Variants in KMT2C observed in about 807,000 individuals in gnomAD.
KMT2C encodes lysine methyltransferase 2C.
A neutral mutation model predicts 507.9 loss-of-function variants in KMT2C; 88 were observed. That is an observed-to-expected ratio of 0.17 (90% CI 0.15 to 0.21). The LOEUF (loss-of-function observed/expected upper bound fraction) is 0.21, where lower values mean the gene tolerates loss of function less well. KMT2C is among the 10% of genes least tolerant of loss of function. KMT2C has a pLI of 1.00. For missense variants in KMT2C, 4,954 were observed against 5,957.8 expected (o/e 0.83, Z 5.55); for synonymous variants, 2,049 against 2,080.8 (o/e 0.98, Z 0.42).
intron 1 of KMT2C, among the ~76,000 whole-genome samples, chr7:152,420,856 A>G (rs1233653960): frequency 6.6e-6 from 1 of 151,828 alleles, no homozygotes; most frequent in African/African-American, 2.4e-5. Flanking sequence ...CCTAATATAC[A>G]GAATCTGTAA....
chr7:152,201,642 A>T (rs2094147234), intron 26 of KMT2C, among the ~76,000 whole-genome samples: 1 of 149,440 alleles, frequency 6.7e-6, no homozygotes, highest in Non-Finnish European at 1.5e-5. Flanking sequence ...AAAAAAAAAA[A>T]AGGTAAGCCA....
chr7:152,424,060 A>G (rs1182996920), intron 1 of KMT2C, among the ~76,000 whole-genome samples: 2 of 152,228 alleles, frequency 1.3e-5, no homozygotes, highest in Non-Finnish European at 2.9e-5. Flanking sequence ...TCATTTAACT[A>G]TTTCAGTAAA....
intron 6 of KMT2C, among the ~76,000 whole-genome samples, chr7:152,281,157 T>C (rs2096201543): frequency 2.0e-5 from 3 of 151,666 alleles, no homozygotes; most frequent in African/African-American, 7.3e-5. Flanking sequence ...CATAGAAATG[T>C]AAAAACTTCT....
At chr7:152,212,305 T>C (rs973133011) in intron 23 of KMT2C, among the ~76,000 whole-genome samples, 12 of 152,192 alleles carry the variant, frequency 7.9e-5, no homozygotes, top group Admixed American at 7.2e-4. Flanking sequence ...GCACAGGTAT[T>C]GCCTATTCAA....
At chr7:152,252,944 CTGGGTTCAAG>C (rs2129166968) in intron 9 of KMT2C, among the ~76,000 whole-genome samples, 1 of 152,124 alleles carries the variant, frequency 6.6e-6, no homozygotes, top group South Asian at 2.1e-4. Flanking sequence ...CCTCTGCCTC[CTGGGTTCAAG>C]TGATTCTCTC....
chr7:152,217,930 C>T (rs1455408406), intron 23 of KMT2C, among the ~76,000 whole-genome samples: 1 of 152,182 alleles, frequency 6.6e-6, no homozygotes, highest in Admixed American at 6.5e-5. Flanking sequence ...CTTTTTCAGA[C>T]ATTTTTTAAC....
intron 3 of KMT2C, among the ~76,000 whole-genome samples, chr7:152,326,964 T>G (rs561898806): frequency 5.9e-4 from 90 of 152,282 alleles, no homozygotes; most frequent in African/African-American, 2.1e-3. Context: ...GAGATAAAAA[T>G]GAATAAATAA....
chr7:152,154,444 T>C lies in KMT2C; in HGVS notation c.11962A>G (p.Ile3988Val). The C allele has an allele frequency of 1.2e-6, 2 of 1,612,164 alleles. No homozygotes were observed. Among genetic ancestry groups the C allele is most frequent in the African/African-American group, 1.3e-5 (1 of 74,978 alleles). Reference protein sequence around the residue: ...PPHNNQEELRIQDHCGDRDTP... With the variant: ...PPHNNQEELRVQDHCGDRDTP... ...TCTCGATCACCACAGTGATCCTGTATCCTGAAAAAACATAAACACACACAT... is the reference window on the plus strand; with the variant it reads ...TCTCGATCACCACAGTGATCCTGTACCCTGAAAAAACATAAACACACACAT... Residue 3988 changes from isoleucine (I) to valine (V), a missense_variant and splice_region_variant, in exon 47 of 59, where the codon ATA (isoleucine) becomes GTA (valine). Transcript: ENST00000262189.
chr7:152,270,992 C>T (rs2095955731), intron 7 of KMT2C, among the ~76,000 whole-genome samples: 1 of 152,144 alleles, frequency 6.6e-6, no homozygotes, highest in South Asian at 2.1e-4. Context: ...TACTGCTCTG[C>T]CCCTTAGGAA....
At chr7:152,222,842 A>G (rs549654763) in intron 20 of KMT2C, among the ~76,000 whole-genome samples, 160 bp from the exon 21 acceptor site, 1 of 152,348 alleles carries the variant, frequency 6.6e-6, no homozygotes, top group South Asian at 2.1e-4. Context: ...TATTAACAGA[A>G]AAACTTTCAT....
intron 9 of KMT2C, among the ~76,000 whole-genome samples, chr7:152,256,014 C>T (rs2095655366): frequency 6.6e-6 from 1 of 152,072 alleles, no homozygotes; most frequent in African/African-American, 2.4e-5. Context: ...ACTAAAAATA[C>T]AAAAATTAGC....
At chr7:152,219,255 C>A (rs1047427134) in intron 23 of KMT2C, among the ~76,000 whole-genome samples, 1 of 151,506 alleles carries the variant, frequency 6.6e-6, no homozygotes, top group Non-Finnish European at 1.5e-5. Context: ...CAGGCATGAG[C>A]CACTGCGCCT....
intron 31 of KMT2C, among the ~76,000 whole-genome samples, chr7:152,190,004 C>T (rs1040460526): frequency 3.9e-5 from 6 of 152,084 alleles, no homozygotes; most frequent in African/African-American, 1.2e-4. Flanking sequence ...AGATCAGTGG[C>T]GGTATTAGAT....
chr7:152,284,398 G>A (rs797014783), intron 6 of KMT2C, among the ~76,000 whole-genome samples: 45 of 152,146 alleles, frequency 3.0e-4, no homozygotes, highest in African/African-American at 5.8e-4. Context: ...TAAATAATCC[G>A]TATGGAAAAC....
chr7:152,164,435 G>A (rs1196560895), intron 42 of KMT2C, among the ~76,000 whole-genome samples: 6 of 151,652 alleles, frequency 4.0e-5, no homozygotes, highest in Non-Finnish European at 5.9e-5. Context: ...GACTACAGGC[G>A]CCCGCTACCA....
At chr7:152,408,479 G>A (rs150149844) in intron 1 of KMT2C, among the ~76,000 whole-genome samples, 10 of 152,264 alleles carry the variant, frequency 6.6e-5, no homozygotes, top group East Asian at 3.9e-4. Context: ...AATACCACTC[G>A]GTAGCCTGTT....
intron 14 of KMT2C, among the ~76,000 whole-genome samples, chr7:152,242,405 TA>T (rs140238823): frequency 6.6e-6 from 1 of 150,730 alleles, no homozygotes; most frequent in Non-Finnish European, 1.5e-5. Context: ...TAAAAATTAC[TA>T]AAAAATCTAT....
At chr7:152,167,511 T>C (rs2092781521) in intron 41 of KMT2C, 133 bp from the exon 42 acceptor site, 4 of 608,858 alleles carry the variant, frequency 6.6e-6, no homozygotes, top group Non-Finnish European at 1.2e-5. Flanking sequence ...CAATACTAAA[T>C]ATTAGACGAT....
chr7:152,337,634 C>T (rs921216571), intron 2 of KMT2C, among the ~76,000 whole-genome samples: 1 of 152,134 alleles, frequency 6.6e-6, no homozygotes, highest in African/African-American at 2.4e-5. Flanking sequence ...TGGCAAGTTA[C>T]TTAACTTCAT....
Sources: allele counts gnomAD v4.1 joint callset (sites outside exome capture counted in the v4.1 genomes callset), GRCh38; gene constraint gnomAD v4.1.1; transcripts MANE v1.5; gene names NCBI Gene and HGNC (gene_info 2026-07-23, HGNC 2026-07-21).